Variants in RPA2 observed in about 807,000 individuals in gnomAD.
RPA2 encodes replication protein A2.
In RPA2, 22 loss-of-function variants were observed where a neutral mutation model predicts 33.4. That is an observed-to-expected ratio of 0.66 (90% CI 0.47 to 0.94). The LOEUF (loss-of-function observed/expected upper bound fraction) is 0.94. Among genes scored for constraint, RPA2 ranks in the 40% least tolerant of loss-of-function variants. RPA2 has a pLI of 0.00. For synonymous variants in RPA2, 109 were observed against 114.9 expected, an observed-to-expected ratio of 0.95 and a Z score of 0.33; for missense variants, 279 against 329.9, an observed-to-expected ratio of 0.85 and a Z score of 1.19.
In RPA2 at chr1:27,914,557, CA is replaced by C; in HGVS notation, c.-115del. The C allele has an allele frequency of 6.2e-7, 1 of 1,611,504 alleles. No homozygotes were observed. Among genetic ancestry groups the C allele is most frequent in the Non-Finnish European group, 8.5e-7 (1 of 1,179,082 alleles). Reference sequence around the variant, plus strand: ...CTCTGGCTACTTTTCTCTGGCACCACAAACGCCTTCCCGCGAATGGCGGAGC... The same window carrying C: ...CTCTGGCTACTTTTCTCTGGCACCACAACGCCTTCCCGCGAATGGCGGAGC... On this transcript the variant is annotated 5_prime_UTR_variant, in exon 1 of 9. Coordinates refer to ENST00000373912, the MANE Select transcript of RPA2 (RefSeq NM_002946.5).
At position 27,914,517 on chromosome 1, in the gene RPA2, G is replaced by A. The variant is rs1312112056; in HGVS notation, c.-74C>T. On this transcript the variant is annotated 5_prime_UTR_variant, in exon 1 of 9. Transcript: ENST00000373912. ...GAATAGCGGAAAACCACAGAACGCG[G>A]CCGCCACTGCGCCGCTCTGGCTACT... 7 of 1,598,594 alleles carry A rather than the reference G, an allele frequency of 4.4e-6. No individual in the cohort carries two copies. The East Asian group carries it at 1.1e-4, about 25-fold the overall frequency.
intron 2 of RPA2, 143 bp from the exon 3 acceptor site, chr1:27,907,425 A>C: frequency 1.4e-6 from 1 of 736,042 alleles, no homozygotes; most frequent in Non-Finnish European, 2.2e-6. Context: ...AGAGAGATGG[A>C]AACCAAGGTC....
At position 27,914,425 on chromosome 1, in the gene RPA2, C is replaced by T; in HGVS notation, c.10+9G>A. Reference sequence around the variant, plus strand: ...CTCTTCCTCCTCCACCCCGCACCCCCATCATTACTGTTCCACATCTTGGTC... The same window carrying T: ...CTCTTCCTCCTCCACCCCGCACCCCTATCATTACTGTTCCACATCTTGGTC... On this transcript the variant is annotated intron_variant, in intron 1 of 8. Transcript: ENST00000373912. The T allele has an allele frequency of 6.2e-7, 1 of 1,606,976 alleles. No individual in the cohort carries two copies. The highest frequency in any genetic ancestry group is 8.5e-7 in the Non-Finnish European group (1 of 1,176,090).
In RPA2 at chr1:27,914,143, AG is replaced by A; in HGVS notation, c.36del (p.Ser13HisfsTer82). On this transcript the variant is annotated frameshift_variant, in exon 2 of 9. Transcript: ENST00000373912. LOFTEE classifies it high-confidence loss of function. ...WNSGFESYGS[S>X]SYGGAGGYTQ... ...GTGTAGCCGCCGGCTCCCCCGTATG[AG>A]GAGCTGCCATAGCTTTCGAATCCAC... The A allele has an allele frequency of 6.2e-7, 1 of 1,612,302 alleles. No individual in the cohort carries two copies. Among genetic ancestry groups the A allele is most frequent in the Non-Finnish European group, 8.5e-7 (1 of 1,179,500 alleles).
At chr1:27,914,379 T>A (rs371883920) in intron 1 of RPA2, 55 bp downstream of exon 1, 24 of 1,613,818 alleles carry the variant, frequency 1.5e-5, no homozygotes, top group Non-Finnish European at 1.9e-5. Context: ...GCTCGCCCTC[T>A]TGCTAAAACC....
chr1:27,904,242 A>T (rs1221866280), intron 4 of RPA2, among the ~76,000 whole-genome samples: 1 of 152,146 alleles, frequency 6.6e-6, no homozygotes, highest in Non-Finnish European at 1.5e-5. Flanking sequence ...TGCATAGCAT[A>T]TTATCCCTTC....
chr1:27,909,476 G>C (rs1204061449), intron 2 of RPA2, among the ~76,000 whole-genome samples: 1 of 152,110 alleles, frequency 6.6e-6, no homozygotes, highest in Non-Finnish European at 1.5e-5. Context: ...CCAAGGCCGA[G>C]GCGGGCAGAT....
At chr1:27,909,473 C>T (rs866569550) in intron 2 of RPA2, among the ~76,000 whole-genome samples, 7 of 151,996 alleles carry the variant, frequency 4.6e-5, no homozygotes, top group Non-Finnish European at 2.9e-5. Context: ...ATCCCAAGGC[C>T]GAGGCGGGCA....
At chr1:27,895,664 G>A (rs879485862) in intron 6 of RPA2, among the ~76,000 whole-genome samples, 1 of 152,136 alleles carries the variant, frequency 6.6e-6, no homozygotes, top group Non-Finnish European at 1.5e-5. Flanking sequence ...CCGGGAGGCG[G>A]AGCTTGCAGT....
intron 4 of RPA2, among the ~76,000 whole-genome samples, chr1:27,899,501 CAAAAAAAAAAAGAAAAAAA>C (rs2089937338): frequency 4.3e-5 from 2 of 46,682 alleles, no homozygotes; most frequent in Non-Finnish European, 8.0e-5. Context: ...GACTCTATCT[CAAAAAAAAAAAGAAAAAAA>C]AAAAAAAAAA....
chr1:27,906,507 T>C (rs956475888), intron 4 of RPA2, among the ~76,000 whole-genome samples: 9 of 150,906 alleles, frequency 6.0e-5, no homozygotes, highest in African/African-American at 2.2e-4. Flanking sequence ...CTGACCAAGA[T>C]GGTGAAACCC....
At chr1:27,913,380 G>A (rs1024825320) in intron 2 of RPA2, among the ~76,000 whole-genome samples, 40 of 151,090 alleles carry the variant, frequency 2.6e-4, no homozygotes, top group African/African-American at 9.4e-4. Context: ...CCTGAGTTCG[G>A]GAGTTGGAGA....
chr1:27,892,087 A>C lies in RPA2; in HGVS notation c.*76T>G, dbSNP rs2089830506. On this transcript the variant is annotated 3_prime_UTR_variant, in exon 9 of 9. Transcript: ENST00000373912. The stretch of plus-strand genomic sequence containing the variant: ...CTTCCTAGAAGCCCCCTGGCCAGAC[A>C]TATGCAGAGCTGGAGACAACAGATT... 1 of 1,234,370 alleles carries C rather than the reference A, an allele frequency of 8.1e-7. No homozygotes were observed. Among genetic ancestry groups the C allele is most frequent in the African/African-American group, 1.5e-5 (1 of 67,390 alleles). 76.5% of individuals were successfully genotyped at this position (1,234,370 alleles called of 1,614,324 possible).
chr1:27,907,381 T>A, intron 2 of RPA2, 99 bp from the exon 3 acceptor site: 2 of 951,016 alleles, frequency 2.1e-6, no homozygotes, highest in Non-Finnish European at 3.2e-6. Flanking sequence ...ATTAGAACAT[T>A]GAATTTCAAA....
chr1:27,894,222 T>G, intron 7 of RPA2, 68 bp downstream of exon 7: 1 of 1,534,458 alleles, frequency 6.5e-7, no homozygotes, highest in Non-Finnish European at 9.0e-7. Context: ...TCGTAGCTCA[T>G]TAAGGAAGTA....
chr1:27,899,508 A>G (rs2089937530), intron 4 of RPA2, among the ~76,000 whole-genome samples: 3 of 138,058 alleles, frequency 2.2e-5, no homozygotes, highest in African/African-American at 5.4e-5. Context: ...TCTCAAAAAA[A>G]AAAAGAAAAA....
At chr1:27,902,508 T>C (rs1472378708) in intron 4 of RPA2, among the ~76,000 whole-genome samples, 1 of 152,056 alleles carries the variant, frequency 6.6e-6, no homozygotes, top group Non-Finnish European at 1.5e-5. Flanking sequence ...GGTCTCAAAC[T>C]CCTGACCTCA....
chr1:27,899,531 AC>A lies in RPA2; in HGVS notation c.334-1825del, dbSNP rs1185141202. Among the ~76,000 whole-genome samples, 86 of 141,748 alleles carry A rather than the reference AC, an allele frequency of 6.1e-4. 1 individual carries two copies. Among genetic ancestry groups the A allele is most frequent in the Middle Eastern group, 7.4e-3 (2 of 272 alleles). 93.0% of individuals were successfully genotyped at this position (141,748 alleles called of 152,430 possible). ...AAAAAAAGAAAAAAAAAAAAAAAAA[AC>A]CACACAAACAAAACAATTGTATTCC... is the stretch of plus-strand genomic sequence containing the variant. On this transcript the variant is annotated intron_variant, in intron 4 of 8. Transcript: ENST00000373912.
chr1:27,892,712 C>T (rs766783940), intron 8 of RPA2, among the ~76,000 whole-genome samples: 49 of 152,202 alleles, frequency 3.2e-4, no homozygotes, highest in Non-Finnish European at 1.6e-4. Context: ...CCTTCAAGGT[C>T]CTCAGGGTTA....
Sources: allele counts gnomAD v4.1 joint callset (sites outside exome capture counted in the v4.1 genomes callset), GRCh38; gene constraint gnomAD v4.1.1; transcripts MANE v1.5; gene names NCBI Gene and HGNC (gene_info 2026-07-23, HGNC 2026-07-21).